KCNQ1OT1: variants seen among roughly 807,000 people sequenced by gnomAD.
The protein encoded by KCNQ1OT1 is KCNQ1 antisense RNA 2 (non-protein coding).
chr11:2,699,791 G>T (rs943764254), exon 1 of KCNQ1OT1: 45 of 397,070 alleles, frequency 1.1e-4, no homozygotes, highest in African/African-American at 7.0e-4. Context: ...GAACCGCGCC[G>T]AGGGGCGCGC....
exon 1 of KCNQ1OT1, chr11:2,615,335 T>C (rs1249646321): frequency 2.5e-6 from 1 of 397,966 alleles, no homozygotes; most frequent in Non-Finnish European, 4.4e-6. Flanking sequence ...GATGTCATTA[T>C]TGAATAAAGA....
rs1300756971 is a variant in KCNQ1OT1 at position 2,626,795 on chromosome 11, T to G, written n.73200A>C. On this transcript the variant is annotated non_coding_transcript_exon_variant, in exon 1 of 1. Coordinates refer to ENST00000597346, the Ensembl canonical transcript of KCNQ1OT1. The surrounding 1 kb of genome is among the most constrained non-coding windows in gnomAD (Gnocchi z 4.0). The stretch of plus-strand genomic sequence containing the variant: ...CTCCCACCTCAGCCTTCAAAAGTGC[T>G]GAGATTACAGGTGTAGGCCATTGTA... The G allele has an allele frequency of 2.5e-6, 1 of 398,502 alleles. No homozygotes were observed. Among genetic ancestry groups the G allele is most frequent in the African/African-American group, 2.1e-5 (1 of 48,630 alleles). The allele number at this position is 398,502 out of a possible 1,614,324, so 24.7% of individuals were successfully genotyped here.
In KCNQ1OT1 at chr11:2,620,855, A is replaced by AT. The variant is rs1486308395; in HGVS notation, n.79139dup. The AT allele has an allele frequency of 1.0e-5, 4 of 395,840 alleles. No individual in the cohort carries two copies. Among genetic ancestry groups the AT allele is most frequent in the African/African-American group, 4.2e-5 (2 of 47,788 alleles). The allele number at this position is 395,840 out of a possible 1,614,324, so 24.5% of individuals were successfully genotyped here. ...CTCTGCAGCCTTCCCAGCAACTTTTATTTTTTTGACTTTTTAATAATTGCC... is the reference window on the plus strand; with the variant it reads ...CTCTGCAGCCTTCCCAGCAACTTTTATTTTTTTTGACTTTTTAATAATTGCC... On this transcript the variant is annotated non_coding_transcript_exon_variant, in exon 1 of 1. Transcript: ENST00000597346. The surrounding 1 kb of genome is among the most constrained non-coding windows in gnomAD (Gnocchi z 4.5).
exon 1 of KCNQ1OT1, chr11:2,632,970 T>C (rs1008921399): frequency 2.3e-5 from 9 of 398,396 alleles, no homozygotes; most frequent in African/African-American, 4.1e-5. Context: ...TAGTCTACTT[T>C]TAGTTTTTTT....
chr11:2,672,522 T>C (rs1298492840), exon 1 of KCNQ1OT1: 1 of 398,562 alleles, frequency 2.5e-6, no homozygotes, highest in Non-Finnish European at 4.4e-6. Context: ...CCCAGGCCTC[T>C]CCATTACCAG....
Position 2,661,391 on chromosome 11 carries a change from T to G in KCNQ1OT1, n.38604A>C. ...CCAGGAATCATAATGTGAAGCCAGC[T>G]GTTGGAGGGACTCCTGTGCCTCATT... is the stretch of plus-strand genomic sequence containing the variant. On this transcript the variant is annotated non_coding_transcript_exon_variant, in exon 1 of 1. Transcript: ENST00000597346. The surrounding 1 kb of genome is among the most constrained non-coding windows in gnomAD (Gnocchi z 5.9). 2.4e-6 allele frequency: 1 copy of G among 408,354 alleles called. No homozygotes were observed. The highest frequency in any genetic ancestry group is 3.5e-5 in the East Asian group (1 of 28,604). 25.3% of individuals were successfully genotyped at this position (408,354 alleles called of 1,614,324 possible).
At position 2,652,346 on chromosome 11, in the gene KCNQ1OT1, C is replaced by T. The variant is rs908764250; in HGVS notation, n.47649G>A. Reference sequence around the variant, plus strand: ...GAAGTTAAGAACTGGCACATTTCCGCGATGTTGTGATGAAGGTGAAAAGAT... The same window carrying T: ...GAAGTTAAGAACTGGCACATTTCCGTGATGTTGTGATGAAGGTGAAAAGAT... On this transcript the variant is annotated non_coding_transcript_exon_variant, in exon 1 of 1. Transcript: ENST00000597346. The surrounding 1 kb of genome is among the most constrained non-coding windows in gnomAD (Gnocchi z 5.9). 2.8e-5 allele frequency: 11 copies of T among 398,482 alleles called. No homozygotes were observed. The highest frequency in any genetic ancestry group is 1.3e-4 in the South Asian group (1 of 7,852). The allele number at this position is 398,482 out of a possible 1,614,324, so 24.7% of individuals were successfully genotyped here.
rs911089156 is a variant in KCNQ1OT1 at position 2,670,365 on chromosome 11, G to A, written n.29630C>T. 5 of 398,364 alleles carry A rather than the reference G, an allele frequency of 1.3e-5. No homozygotes were observed. Among genetic ancestry groups the A allele is most frequent in the African/African-American group, 1.0e-4 (5 of 48,568 alleles). The allele number at this position is 398,364 out of a possible 1,614,324, so 24.7% of individuals were successfully genotyped here. A position where few individuals can be genotyped will look rare whatever the true frequency, so the allele number is the denominator to read the frequency against. On this transcript the variant is annotated non_coding_transcript_exon_variant, in exon 1 of 1. Transcript: ENST00000597346. The surrounding 1 kb of genome is among the most constrained non-coding windows in gnomAD (Gnocchi z 4.9). ...CAGTGGCTTTCAGATGGTTAGTATA[G>A]GCTGAAATTCCAAGAGCATTAACCA...
rs534523218 is a variant in KCNQ1OT1 at position 2,659,683 on chromosome 11, A to G, written n.40312T>C. 4 of 398,564 alleles carry G rather than the reference A, an allele frequency of 1.0e-5. No homozygotes were observed. In the South Asian group the frequency reaches 5.1e-4, roughly 51 times the overall value. The allele number at this position is 398,564 out of a possible 1,614,324, so 24.7% of individuals were successfully genotyped here. ...ATAAGAAATTGCTAAACTATTTCCT[A>G]AAGTCACTGTGCCATTTTGCATTCC... On this transcript the variant is annotated non_coding_transcript_exon_variant, in exon 1 of 1. Transcript: ENST00000597346. This position sits in a 1 kb window ranked among gnomAD's most constrained non-coding sequence, Gnocchi z 4.3.
At chr11:2,633,924 G>C (rs1220915507) in exon 1 of KCNQ1OT1, 4 of 398,410 alleles carry the variant, frequency 1.0e-5, no homozygotes, top group Non-Finnish European at 1.8e-5. Flanking sequence ...TTCTATCCTT[G>C]TTAGATTATG....
At chr11:2,629,274 T>C (rs138291368) in exon 1 of KCNQ1OT1, 48 of 398,428 alleles carry the variant, frequency 1.2e-4, no homozygotes, top group Middle Eastern at 1.3e-3. Context: ...TTGTTCAATG[T>C]TTCATAGTTT....
exon 1 of KCNQ1OT1, chr11:2,680,455 T>C (rs1850376728): frequency 1.5e-5 from 6 of 398,536 alleles, no homozygotes; most frequent in Non-Finnish European, 2.7e-5. Flanking sequence ...TCTGGGTATT[T>C]TTAGGAGGAC....
exon 1 of KCNQ1OT1, chr11:2,666,259 AC>A (rs772741540): frequency 1.0e-5 from 4 of 398,316 alleles, no homozygotes; most frequent in Non-Finnish European, 1.8e-5. Context: ...GAGGACCAGG[AC>A]CCCCGAGGCT....
exon 1 of KCNQ1OT1, chr11:2,641,406 A>T: frequency 2.5e-6 from 1 of 398,056 alleles, no homozygotes. Context: ...TTTTTTTTTA[A>T]ATATACCTGT....
In KCNQ1OT1 at chr11:2,655,582, G is replaced by A. The variant is rs193000936; in HGVS notation, n.44413C>T. The A allele has an allele frequency of 2.4e-3, 955 of 398,662 alleles. 3 individuals carry two copies. Among genetic ancestry groups the A allele is most frequent in the African/African-American group, 0.01 (509 of 48,744 alleles). 24.7% of individuals were successfully genotyped at this position (398,662 alleles called of 1,614,324 possible). On this transcript the variant is annotated non_coding_transcript_exon_variant, in exon 1 of 1. Coordinates refer to ENST00000597346, the Ensembl canonical transcript of KCNQ1OT1. Reference sequence around the variant, plus strand: ...TGTGAAATACCCACTTCAGAGGTGGGGGTGACAAGCAAGACCTGTTAGGGC... The same window carrying A: ...TGTGAAATACCCACTTCAGAGGTGGAGGTGACAAGCAAGACCTGTTAGGGC...
chr11:2,614,224 C>T, exon 1 of KCNQ1OT1: 1 of 398,546 alleles, frequency 2.5e-6, no homozygotes, highest in Non-Finnish European at 4.4e-6. Context: ...TTTGCAAGAG[C>T]CTCCACTATA....
Position 2,659,740 on chromosome 11 carries a change from C to G in KCNQ1OT1, n.40255G>C, listed in dbSNP as rs1849916931. 2.5e-6 allele frequency: 1 copy of G among 398,298 alleles called. No individual in the cohort carries two copies. Among genetic ancestry groups the G allele is most frequent in the Admixed American group, 4.4e-5 (1 of 22,708 alleles). 24.7% of individuals were successfully genotyped at this position (398,298 alleles called of 1,614,324 possible). A position where few individuals can be genotyped will look rare whatever the true frequency, so the allele number is the denominator to read the frequency against. ...TAACATATGAGAGTTCTACATGTTC[C>G]ACATCCTCAAGAGTGGTTGGTATTG... On this transcript the variant is annotated non_coding_transcript_exon_variant, in exon 1 of 1. Transcript: ENST00000597346. The surrounding 1 kb of genome is among the most constrained non-coding windows in gnomAD (Gnocchi z 4.3).
At chr11:2,640,573 T>A (rs922418177) in exon 1 of KCNQ1OT1, 12 of 398,216 alleles carry the variant, frequency 3.0e-5, no homozygotes, top group African/African-American at 2.3e-4. Flanking sequence ...TTTTTTTTTT[T>A]TTTTTGACCG....
At chr11:2,619,558 T>A in exon 1 of KCNQ1OT1, 1 of 398,578 alleles carries the variant, frequency 2.5e-6, no homozygotes, top group East Asian at 3.6e-5. Flanking sequence ...ATTGTTAAAT[T>A]TAGTCTGCCA....
Sources: gnomAD v4.1 joint callset for allele counts on GRCh38, gnomAD v4.1.1 for gene constraint, Gnocchi (gnomAD v3.1) non-coding constraint, MANE v1.5 for transcripts, NCBI Gene and HGNC (gene_info 2026-07-23, HGNC 2026-07-21) for gene names.